HK1: variants seen among roughly 807,000 people sequenced by gnomAD.
HK1 encodes hexokinase 1, also known as hexokinase-1.
A neutral mutation model predicts 91.6 loss-of-function variants in HK1; 28 were observed. That is an observed-to-expected ratio of 0.31 (90% CI 0.23 to 0.42). HK1 has a LOEUF of 0.42. Ranked by LOEUF, HK1 falls within the 10% of genes least tolerant of loss-of-function variation. HK1 has a pLI of 1.00. For missense variants in HK1, 770 were observed against 1,219.8 expected (o/e 0.63, Z 5.49); for synonymous variants, 430 against 468.1 (o/e 0.92, Z 1.05).
chr10:69,306,445 G>A (rs2132518541), intron 5 of HK1, among the ~76,000 whole-genome samples: 1 of 151,808 alleles, frequency 6.6e-6, no homozygotes, highest in South Asian at 2.1e-4. Context: ...AAAGAGGAAA[G>A]GGAAAAAAGG....
chr10:69,355,768 G>A (rs1849095969), intron 2 of HK1, among the ~76,000 whole-genome samples: 1 of 152,042 alleles, frequency 6.6e-6, no homozygotes, highest in African/African-American at 2.4e-5. Flanking sequence ...TTCCAGCCTG[G>A]GTAGCATTCC....
chr10:69,333,984 G>A (rs376894609), intron 1 of HK1, among the ~76,000 whole-genome samples: 6 of 152,100 alleles, frequency 3.9e-5, no homozygotes, highest in African/African-American at 9.7e-5. Flanking sequence ...GGTGGTGTGC[G>A]CCTGTAGTCC....
At chr10:69,278,876 T>A (rs1400534840) in intron 1 of HK1, 1 of 152,228 alleles carries the variant, frequency 6.6e-6, no homozygotes, top group Non-Finnish European at 1.5e-5. Context: ...CACATGAGCT[T>A]GCTCTCCAGT....
intron 2 of HK1, among the ~76,000 whole-genome samples, chr10:69,344,724 G>A (rs552873791): frequency 3.9e-5 from 6 of 152,336 alleles, no homozygotes; most frequent in South Asian, 2.1e-4. Context: ...CTGAGAAGTC[G>A]CAGTCTGGCC....
intron 7 of HK1, 62 bp from the exon 8 acceptor site, chr10:69,376,872 C>A: frequency 6.3e-7 from 1 of 1,597,550 alleles, no homozygotes; most frequent in Non-Finnish European, 8.6e-7. Flanking sequence ...TATGTCTGTC[C>A]CAGCCCTCGT....
chr10:69,339,801 C>G (rs74138361), intron 1 of HK1, among the ~76,000 whole-genome samples: 8,766 of 152,246 alleles, frequency 0.058, 810 homozygotes, highest in African/African-American at 0.2. Flanking sequence ...GGGGACCAGT[C>G]TTTCTTAAGG....
At chr10:69,337,994 T>C (rs1412520402) in intron 1 of HK1, 1 of 154,790 alleles carries the variant, frequency 6.5e-6, no homozygotes, top group Non-Finnish European at 1.4e-5. Flanking sequence ...ACAGAAATGT[T>C]TGTGAGTTGA....
chr10:69,290,263 CCCT>C (rs138999584), intron 3 of HK1, among the ~76,000 whole-genome samples: 8,095 of 152,164 alleles, frequency 0.053, 290 homozygotes, highest in South Asian at 0.13. Flanking sequence ...CCCTGGTCAG[CCCT>C]TGGGTGGCAA....
chr10:69,275,122 C>T (rs1844369111), intron 1 of HK1, among the ~76,000 whole-genome samples: 1 of 151,668 alleles, frequency 6.6e-6, no homozygotes, highest in South Asian at 2.1e-4. Context: ...CTACTGCTCC[C>T]CTCTTACATC....
At chr10:69,291,201 T>C (rs1845283005) in intron 3 of HK1, among the ~76,000 whole-genome samples, 1 of 152,202 alleles carries the variant, frequency 6.6e-6, no homozygotes, top group African/African-American at 2.4e-5. Flanking sequence ...GCAGCCAGTG[T>C]CACAGGCGCC....
intron 5 of HK1, among the ~76,000 whole-genome samples, chr10:69,302,044 G>C (rs35258842): frequency 6.6e-6 from 1 of 151,816 alleles, no homozygotes; most frequent in Non-Finnish European, 1.5e-5. Context: ...TCAGGAGTTC[G>C]TGACCAGCCT....
At chr10:69,310,215 G>A (rs1182091411) in intron 5 of HK1, among the ~76,000 whole-genome samples, 1 of 151,204 alleles carries the variant, frequency 6.6e-6, no homozygotes, top group Non-Finnish European at 1.5e-5. Flanking sequence ...GAGGTCAGGA[G>A]TTCGAGACCA....
At chr10:69,321,498 C>A (rs1196472310) in intron 1 of HK1, among the ~76,000 whole-genome samples, 1 of 152,218 alleles carries the variant, frequency 6.6e-6, no homozygotes, top group Non-Finnish European at 1.5e-5. Context: ...GGTTCCCCCC[C>A]AGCGTGGGCA....
At chr10:69,364,325 C>T (rs778724064) in intron 3 of HK1, among the ~76,000 whole-genome samples, 2 of 152,110 alleles carry the variant, frequency 1.3e-5, no homozygotes, top group African/African-American at 2.4e-5. Context: ...TGTTAAGTCA[C>T]TCCAGTGGGC....
chr10:69,328,067 C>T (rs1008182431), intron 1 of HK1, among the ~76,000 whole-genome samples: 1 of 152,160 alleles, frequency 6.6e-6, no homozygotes, highest in Non-Finnish European at 1.5e-5. Context: ...TTCTCTCTTC[C>T]CGGGTGGATC....
At chr10:69,385,416 G>T (rs1031182585) in intron 12 of HK1, among the ~76,000 whole-genome samples, 2 of 152,242 alleles carry the variant, frequency 1.3e-5, no homozygotes, top group African/African-American at 2.4e-5. Context: ...AGAGCTGAAG[G>T]TTACAGCTCC....
intron 10 of HK1, among the ~76,000 whole-genome samples, chr10:69,383,909 C>A: frequency 6.6e-6 from 1 of 152,236 alleles, no homozygotes; most frequent in Non-Finnish European, 1.5e-5. Flanking sequence ...TGGGCTAGAT[C>A]CCAGGGGAGG....
At chr10:69,311,443 G>T (rs187595003), upstream of HK1, among the ~76,000 whole-genome samples, 2 of 152,208 alleles carry the variant, frequency 1.3e-5, no homozygotes, top group African/African-American at 4.8e-5. Context: ...AGGTCGTTGT[G>T]TGTGGGTGCT....
At position 69,324,565 on chromosome 10, in the gene HK1, C is replaced by T. The variant is rs76246714; in HGVS notation, c.63+5555C>T. ...TGACACTCCAGTCTGGGTGACAGAA[C>T]GAGACTCCATCTAAACAAAAATAAT... On this transcript the variant is annotated intron_variant, in intron 1 of 17. Coordinates refer to ENST00000359426, the MANE Select transcript of HK1 (RefSeq NM_000188.3). Among the ~76,000 whole-genome samples, 607 of 151,862 alleles carry T rather than the reference C, an allele frequency of 4.0e-3. 29 individuals carry two copies. In the East Asian group the frequency reaches 0.098, roughly 24 times the overall value.
Sources: gnomAD v4.1 joint callset for allele counts (sites outside exome capture counted in the v4.1 genomes callset) on GRCh38, gnomAD v4.1.1 for gene constraint, MANE v1.5 for transcripts, NCBI Gene and HGNC (gene_info 2026-07-23, HGNC 2026-07-21) for gene names.